The following CNOT2 variants were observed in gnomAD, a reference collection of about 807,000 sequenced individuals.
CNOT2 encodes CC chemokine receptor 4-negative regulator of transcription 2.
CNOT2 carries 7 observed loss-of-function variants against 72.1 expected under a neutral mutation model. The observed-to-expected ratio is 0.10, with a 90% CI of 0.06 to 0.18. The LOEUF is 0.18. Among genes scored for constraint, CNOT2 ranks in the 10% least tolerant of loss-of-function variants. The probability of loss-of-function intolerance (pLI) is 1.00; values close to 1 mark genes in which losing one functional copy is unlikely to be tolerated. For synonymous variants in CNOT2, 196 were observed against 225.6 expected, an observed-to-expected ratio of 0.87 and a Z score of 1.17; for missense variants, 345 against 660.3, an observed-to-expected ratio of 0.52 and a Z score of 5.23.
At chr12:70,271,375 CTTT>C (rs11285130) in intron 1 of CNOT2, among the ~76,000 whole-genome samples, 2,739 of 89,500 alleles carry the variant, frequency 0.031, 63 homozygotes, top group African/African-American at 0.065. Flanking sequence ...ATCACATTTC[CTTT>C]TTTTTTTTTT....
chr12:70,351,187 A>G (rs1435722093), intron 15 of CNOT2, among the ~76,000 whole-genome samples: 2 of 152,182 alleles, frequency 1.3e-5, no homozygotes, highest in Non-Finnish European at 2.9e-5. Flanking sequence ...AGAAAAATTA[A>G]ATGTTTTGTT....
chr12:70,349,660 TC>T lies in CNOT2; in HGVS notation c.1536+3338del, dbSNP rs1417755553. Among the ~76,000 whole-genome samples the T allele has an allele frequency of 5.6e-4, 85 of 152,196 alleles. 2 individuals are homozygous for T. The highest frequency in any genetic ancestry group is 5.6e-3 in the Admixed American group (85 of 15,284). On this transcript the variant is annotated intron_variant, in intron 15 of 15. Transcript: ENST00000229195. Reference sequence around the variant, plus strand: ...TGTGACCCTGAGTTCTAGAATCCAATCCATTATTTATTTACATAATTTCCTG... The same window carrying T: ...TGTGACCCTGAGTTCTAGAATCCAATCATTATTTATTTACATAATTTCCTG...
At chr12:70,305,156 A>G (rs965330519) in intron 2 of CNOT2, among the ~76,000 whole-genome samples, 1 of 152,190 alleles carries the variant, frequency 6.6e-6, no homozygotes, top group African/African-American at 2.4e-5. Flanking sequence ...CGGCTCACGC[A>G]TGGTGCGCCG....
Position 70,266,700 on chromosome 12 carries a change from C to A in CNOT2, c.-95-11432C>A, listed in dbSNP as rs767601985. On this transcript the variant is annotated intron_variant, in intron 1 of 15. Transcript: ENST00000229195. Reference sequence around the variant, plus strand: ...TTTTATCATTATTTAACATACATTTCTTAGCCCTGGTAATATTTTTTAATT... The same window carrying A: ...TTTTATCATTATTTAACATACATTTATTAGCCCTGGTAATATTTTTTAATT... 8.2e-4 allele frequency among the ~76,000 whole-genome samples: 125 copies of A among 152,256 alleles called. 2 individuals carry two copies. The highest frequency in any genetic ancestry group is 3.4e-3 in the Middle Eastern group (1 of 294).
At chr12:70,245,325 G>A (rs907322748) in intron 1 of CNOT2, among the ~76,000 whole-genome samples, 1 of 152,148 alleles carries the variant, frequency 6.6e-6, no homozygotes, top group African/African-American at 2.4e-5. Context: ...GATCCTTACT[G>A]TAAAAAAGGT....
chr12:70,335,332 T>C (rs961974741), intron 7 of CNOT2, 106 bp from the exon 8 acceptor site: 1 of 805,616 alleles, frequency 1.2e-6, no homozygotes, highest in Non-Finnish European at 2.1e-6. Flanking sequence ...CCGTGCATTA[T>C]TTAGGAAGAA....
chr12:70,330,241 G>C, intron 5 of CNOT2, 46 bp from the exon 6 acceptor site: 1 of 859,050 alleles, frequency 1.2e-6, no homozygotes, highest in Non-Finnish European at 1.8e-6. Context: ...GAATTTTAAT[G>C]AGTGATTGTA....
chr12:70,342,462 T>A (rs1041923912), intron 13 of CNOT2, 155 bp downstream of exon 13: 4 of 856,138 alleles, frequency 4.7e-6, no homozygotes, highest in Non-Finnish European at 7.0e-6. Flanking sequence ...TGGTAAATGT[T>A]AGGACTGGTA....
chr12:70,289,563 A>T (rs1181562014), intron 2 of CNOT2, among the ~76,000 whole-genome samples: 2 of 152,082 alleles, frequency 1.3e-5, no homozygotes, highest in African/African-American at 4.8e-5. Flanking sequence ...GAGGACTCCA[A>T]TTACGCATAT....
chr12:70,319,615 T>C (rs557240589), intron 4 of CNOT2, among the ~76,000 whole-genome samples: 1 of 151,890 alleles, frequency 6.6e-6, no homozygotes, highest in Admixed American at 6.6e-5. Context: ...CATCTGTAAA[T>C]TTTTTGCAGT....
intron 7 of CNOT2, 148 bp downstream of exon 7, chr12:70,332,994 T>A: frequency 7.9e-7 from 1 of 1,259,140 alleles, no homozygotes; most frequent in Non-Finnish European, 1.0e-6. Context: ...AGGAATAGGA[T>A]TCAATACAGT....
At chr12:70,304,274 C>G (rs577415753) in intron 2 of CNOT2, among the ~76,000 whole-genome samples, 2 of 152,130 alleles carry the variant, frequency 1.3e-5, no homozygotes, top group African/African-American at 4.8e-5. Flanking sequence ...GGAGGAGAGG[C>G]GCTCTGCTTT....
At chr12:70,337,697 C>T in intron 9 of CNOT2, 184 bp downstream of exon 9, 5 of 684,182 alleles carry the variant, frequency 7.3e-6, no homozygotes, top group Admixed American at 2.3e-5. Flanking sequence ...TTTCCTATTT[C>T]ATATAGGTTT....
chr12:70,276,189 G>A (rs963352652), intron 1 of CNOT2, among the ~76,000 whole-genome samples: 15 of 151,764 alleles, frequency 9.9e-5, no homozygotes, highest in East Asian at 1.9e-4. Context: ...ATATTAATAC[G>A]TATTGTTGTG....
chr12:70,328,079 A>G (rs193272405), intron 4 of CNOT2, among the ~76,000 whole-genome samples: 2 of 152,042 alleles, frequency 1.3e-5, no homozygotes, highest in East Asian at 3.9e-4. Context: ...AAAGTATCTT[A>G]CAGAAAGGCA....
At chr12:70,332,881 G>A (rs764994058) in intron 7 of CNOT2, 35 bp downstream of exon 7, 1 of 1,542,332 alleles carries the variant, frequency 6.5e-7, no homozygotes, top group East Asian at 2.4e-5. Context: ...CCTACAAAAA[G>A]TATGATAGAT....
intron 1 of CNOT2, among the ~76,000 whole-genome samples, chr12:70,264,274 C>T (rs1022846728): frequency 6.6e-6 from 1 of 152,166 alleles, no homozygotes; most frequent in African/African-American, 2.4e-5. Context: ...TAACTTGTTC[C>T]TGTCTTAGAG....
chr12:70,329,231 A>G (rs1185125826), intron 4 of CNOT2, among the ~76,000 whole-genome samples, 192 bp from the exon 5 acceptor site: 1 of 152,014 alleles, frequency 6.6e-6, no homozygotes, highest in Non-Finnish European at 1.5e-5. Flanking sequence ...TCCATTCATA[A>G]TATTAAATTT....
At chr12:70,295,235 G>C (rs1872622755) in intron 2 of CNOT2, among the ~76,000 whole-genome samples, 1 of 152,256 alleles carries the variant, frequency 6.6e-6, no homozygotes, top group South Asian at 2.1e-4. Context: ...ATGGCCCATG[G>C]TTGCTAAGTT....
Sources: allele counts gnomAD v4.1 joint callset (sites outside exome capture counted in the v4.1 genomes callset), GRCh38; gene constraint gnomAD v4.1.1; transcripts MANE v1.5; gene names NCBI Gene and HGNC (gene_info 2026-07-23, HGNC 2026-07-21).